The following PIK3CA variants were observed in gnomAD, a reference collection of about 807,000 sequenced individuals.
The protein encoded by PIK3CA is phosphatidylinositol-4,5-bisphosphate 3-kinase catalytic subunit alpha.
PIK3CA carries 27 observed loss-of-function variants against 138.2 expected under a neutral mutation model. The observed-to-expected ratio is 0.20, with a 90% CI of 0.14 to 0.27. The LOEUF is 0.27. Among genes scored for constraint, PIK3CA ranks in the 10% least tolerant of loss-of-function variants. PIK3CA has a pLI of 1.00. For missense variants in PIK3CA, 544 were observed against 1,277.4 expected (o/e 0.43, Z 8.75); for synonymous variants, 358 against 413.2 (o/e 0.87, Z 1.62).
At chr3:179,171,936 G>T (rs1723569228) in intron 1 of PIK3CA, among the ~76,000 whole-genome samples, 1 of 151,856 alleles carries the variant, frequency 6.6e-6, no homozygotes, top group African/African-American at 2.4e-5. Flanking sequence ...CCCAAGAAAA[G>T]AAAACTAGCA....
intron 6 of PIK3CA, among the ~76,000 whole-genome samples, chr3:179,208,164 T>G (rs1724617910): frequency 6.6e-6 from 1 of 152,178 alleles, no homozygotes; most frequent in African/African-American, 2.4e-5. Context: ...TAGACCATAT[T>G]TTTAAAAATC....
At chr3:179,189,485 A>G (rs895164172) in intron 1 of PIK3CA, among the ~76,000 whole-genome samples, 1 of 152,182 alleles carries the variant, frequency 6.6e-6, no homozygotes, top group African/African-American at 2.4e-5. Context: ...TGATTCTGCT[A>G]TTCAAACTGG....
intron 18 of PIK3CA, 113 bp from the exon 19 acceptor site, chr3:179,229,891 T>C: frequency 1.6e-6 from 1 of 639,146 alleles, no homozygotes; most frequent in Non-Finnish European, 2.7e-6. Flanking sequence ...CCTTATTCGT[T>C]GTCAGTGATT....
chr3:179,196,057 A>T (rs1408407940), intron 1 of PIK3CA, among the ~76,000 whole-genome samples: 1 of 152,224 alleles, frequency 6.6e-6, no homozygotes, highest in Non-Finnish European at 1.5e-5. Context: ...TTGAGTATTT[A>T]ATAGTTAATT....
rs1314412255 is a variant in PIK3CA, at chr3:179,219,657, T to A, written c.1833T>A (p.Val611=). The change falls in exon 12 of 21, where the codon GTT becomes GTA. Residue 611 remains valine (V), a synonymous_variant. Coordinates refer to ENST00000263967, the MANE Select transcript of PIK3CA (RefSeq NM_006218.4). This position sits in a 1 kb window ranked among gnomAD's most constrained non-coding sequence, Gnocchi z 4.2. ...LLDCNYPDPM[V]RGFAVRCLEK... ...ACTGTAATTACCCAGATCCTATGGT[T>A]CGAGGTTTTGCTGTTCGGTGCTTGG... The A allele has an allele frequency of 2.5e-6, 4 of 1,611,966 alleles. No individual in the cohort carries two copies.
chr3:179,213,858 C>T (rs1724777790), intron 9 of PIK3CA, among the ~76,000 whole-genome samples: 1 of 152,264 alleles, frequency 6.6e-6, no homozygotes, highest in Admixed American at 6.5e-5. Context: ...CCACCTTCAT[C>T]AGTTATCTTG....
intron 1 of PIK3CA, among the ~76,000 whole-genome samples, chr3:179,194,870 T>G (rs1350319306): frequency 1.3e-5 from 2 of 152,180 alleles, no homozygotes; most frequent in African/African-American, 4.8e-5. Context: ...TTGTTCATAT[T>G]CTGTCTTGTA....
intron 1 of PIK3CA, among the ~76,000 whole-genome samples, chr3:179,164,877 AAAAG>A (rs1179471432): frequency 6.6e-6 from 1 of 152,080 alleles, no homozygotes; most frequent in African/African-American, 2.4e-5. Flanking sequence ...CTTAAAAAAA[AAAAG>A]AAAAAGAAAA....
intron 20 of PIK3CA, among the ~76,000 whole-genome samples, chr3:179,233,795 A>C (rs1725266582): frequency 6.6e-6 from 1 of 152,196 alleles, no homozygotes; most frequent in Admixed American, 6.6e-5. Context: ...GCTTAAGCAC[A>C]AAAGGATTTA....
Position 179,235,961 on chromosome 3 carries a change from G to T in PIK3CA, c.*1597G>T. ...TTAATGTCCTAGGAAATTAGCTTTAGCAGATGTCCAGGTGCCACATCAAAA... is the reference window on the plus strand; with the variant it reads ...TTAATGTCCTAGGAAATTAGCTTTATCAGATGTCCAGGTGCCACATCAAAA... On this transcript the variant is annotated 3_prime_UTR_variant, in exon 21 of 21. Transcript: ENST00000263967. 4.8e-6 allele frequency: 1 copy of T among 209,820 alleles called. No individual in the cohort carries two copies. Among genetic ancestry groups the T allele is most frequent in the Non-Finnish European group, 9.7e-6 (1 of 103,164 alleles). 13.0% of individuals were successfully genotyped at this position (209,820 alleles called of 1,614,324 possible). A position where few individuals can be genotyped will look rare whatever the true frequency, so the allele number is the denominator to read the frequency against.
chr3:179,168,912 T>G (rs1408737618), intron 1 of PIK3CA, among the ~76,000 whole-genome samples: 6 of 152,114 alleles, frequency 3.9e-5, no homozygotes, highest in African/African-American at 7.2e-5. Context: ...AATTTCTGGG[T>G]TTTTTTTCCT....
At chr3:179,190,186 G>A (rs1008862594) in intron 1 of PIK3CA, among the ~76,000 whole-genome samples, 1 of 151,840 alleles carries the variant, frequency 6.6e-6, no homozygotes, top group Non-Finnish European at 1.5e-5. Context: ...CTGCTACCTC[G>A]CTTTGTTCAG....
chr3:179,238,766 A>G lies in PIK3CA; in HGVS notation c.*4402A>G, dbSNP rs1725381687. On this transcript the variant is annotated 3_prime_UTR_variant, in exon 21 of 21. Coordinates refer to ENST00000263967, the MANE Select transcript of PIK3CA (RefSeq NM_006218.4). Reference sequence around the variant, plus strand: ...TTTGGTGTGTGTATACTTGCACACAATTCTGTTTGTGTACACACTGCTTGC... The same window carrying G: ...TTTGGTGTGTGTATACTTGCACACAGTTCTGTTTGTGTACACACTGCTTGC... The G allele has an allele frequency of 4.4e-6, 1 of 225,428 alleles. No individual in the cohort carries two copies. Among genetic ancestry groups the G allele is most frequent in the African/African-American group, 2.2e-5 (1 of 44,892 alleles). The allele number at this position is 225,428 out of a possible 1,614,324, so 14.0% of individuals were successfully genotyped here. A position where few individuals can be genotyped will look rare whatever the true frequency, so the allele number is the denominator to read the frequency against.
At chr3:179,158,226 A>T (rs926676133) in intron 1 of PIK3CA, among the ~76,000 whole-genome samples, 11 of 152,130 alleles carry the variant, frequency 7.2e-5, no homozygotes, top group African/African-American at 2.4e-4. Flanking sequence ...TTAAAATTTC[A>T]TTCTAGCTCT....
Position 179,205,488 on chromosome 3 carries a change from T to C in PIK3CA, c.1145+900T>C, listed in dbSNP as rs144499088. Among the ~76,000 whole-genome samples, 5 of 152,336 alleles carry C rather than the reference T, an allele frequency of 3.3e-5. No homozygotes were observed. In the East Asian group the frequency reaches 5.8e-4, roughly 18 times the overall value. On this transcript the variant is annotated intron_variant, in intron 6 of 20. Transcript: ENST00000263967. ...TTTCCTGTCTCCATCATCATTCACA[T>C]GAAGGAGAAGTAAGAGTTGGCAAGC...
intron 1 of PIK3CA, among the ~76,000 whole-genome samples, chr3:179,152,482 G>T (rs1723037701): frequency 1.3e-5 from 2 of 152,114 alleles, no homozygotes; most frequent in South Asian, 4.1e-4. Context: ...GAGGCACCAT[G>T]GTTCAAAACC....
chr3:179,212,074 C>T (rs573010320), intron 9 of PIK3CA, among the ~76,000 whole-genome samples: 2 of 151,542 alleles, frequency 1.3e-5, no homozygotes, highest in African/African-American at 4.9e-5. Context: ...ATGGCACAAT[C>T]TTGGCTCACT....
At position 179,224,703 on chromosome 3, in the gene PIK3CA, T is replaced by G. The variant is rs116164892; in HGVS notation, c.2298T>G (p.Leu766=). 1,115 of 1,603,252 alleles carry G rather than the reference T, an allele frequency of 7.0e-4. 14 individuals carry two copies. In the African/African-American group the frequency reaches 0.014, roughly 20 times the overall value. ...NPAHQLGNLR[L]EECRIMSSAK... The stretch of plus-strand genomic sequence containing the variant: ...AAAGTTTTTAACTATTTTAAAGGCT[T>G]GAAGAGTGTCGAATTATGTCCTCTG... Residue 766 remains leucine, a synonymous_variant, in exon 16 of 21, where the codon CTT becomes CTG. Coordinates refer to ENST00000263967, the MANE Select transcript of PIK3CA (RefSeq NM_006218.4).
At chr3:179,164,265 A>G (rs1723358014) in intron 1 of PIK3CA, among the ~76,000 whole-genome samples, 1 of 152,176 alleles carries the variant, frequency 6.6e-6, no homozygotes, top group Non-Finnish European at 1.5e-5. Context: ...TTTTGGTTTC[A>G]TCATTCATCT....
Sources: allele counts gnomAD v4.1 joint callset (sites outside exome capture counted in the v4.1 genomes callset), GRCh38; gene constraint gnomAD v4.1.1; non-coding constraint Gnocchi (gnomAD v3.1); transcripts MANE v1.5; gene names NCBI Gene and HGNC (gene_info 2026-07-23, HGNC 2026-07-21).